The following SEMA5A variants were observed in gnomAD, a reference collection of about 807,000 sequenced individuals.
SEMA5A encodes the protein semaphorin-5A.
Under a neutral mutation model 135.5 loss-of-function variants are expected in SEMA5A, and 55 were observed. The observed-to-expected ratio is 0.41, with a 90% CI of 0.33 to 0.51. The LOEUF is 0.51. Ranked by LOEUF, SEMA5A falls within the 20% of genes least tolerant of loss-of-function variation. The pLI, the probability that SEMA5A is intolerant of heterozygous loss-of-function variation, is 0.37. For synonymous variants in SEMA5A, 580 were observed against 546.5 expected (o/e 1.06, Z -0.85); for missense variants, 1,290 against 1,419.9 (o/e 0.91, Z 1.47).
Position 9,154,525 on chromosome 5 carries a change from T to A in SEMA5A, c.1444A>T (p.Ile482Phe), listed in dbSNP as rs1408373181. 1.9e-6 allele frequency: 3 copies of A among 1,612,316 alleles called. No homozygotes were observed. Residue 482 changes from isoleucine (I) to phenylalanine (F), a missense_variant, in exon 12 of 23, where the codon ATC becomes TTC. By Grantham distance (21) the Ile-to-Phe change is conservative. Coordinates refer to ENST00000382496, the MANE Select transcript of SEMA5A (RefSeq NM_003966.3). ...TAGAACTGGCACCTCTTCAGGGGGA[T>A]CTTGACCACGTGCTCCCGCAGGCCC... ...FVGLREHVVKIPLKRCQFYRT... is the reference protein window; with the variant it reads ...FVGLREHVVKFPLKRCQFYRT...
intron 5 of SEMA5A, among the ~76,000 whole-genome samples, chr5:9,280,263 A>G (rs954725213): frequency 6.6e-6 from 1 of 152,254 alleles, no homozygotes; most frequent in Admixed American, 6.5e-5. Context: ...CCATTTGTTA[A>G]TAAATGGACC....
At chr5:9,066,272 A>T in intron 17 of SEMA5A, 149 bp downstream of exon 17, 3 of 709,934 alleles carry the variant, frequency 4.2e-6, no homozygotes, top group Non-Finnish European at 7.3e-6. Context: ...TCCTACAGTC[A>T]GTTGTGCTCT....
At chr5:9,225,080 A>C (rs1454964401) in intron 7 of SEMA5A, among the ~76,000 whole-genome samples, 193 bp from the exon 8 acceptor site, 9 of 151,824 alleles carry the variant, frequency 5.9e-5, no homozygotes, top group Non-Finnish European at 1.2e-4. Flanking sequence ...CAGTCCATCA[A>C]TCAGTTTCTT....
intron 1 of SEMA5A, among the ~76,000 whole-genome samples, chr5:9,496,327 G>A (rs979707516): frequency 1.3e-5 from 2 of 152,196 alleles, no homozygotes; most frequent in Non-Finnish European, 2.9e-5. Flanking sequence ...TTATAGGCAA[G>A]AGCCACCATG....
intron 5 of SEMA5A, among the ~76,000 whole-genome samples, chr5:9,258,964 A>G (rs1378363275): frequency 6.6e-6 from 1 of 151,604 alleles, no homozygotes; most frequent in Non-Finnish European, 1.5e-5. Context: ...CTGCAACCAC[A>G]GGGGCCTGCC....
At chr5:9,111,370 A>G (rs1221061723) in intron 15 of SEMA5A, among the ~76,000 whole-genome samples, 1 of 152,228 alleles carries the variant, frequency 6.6e-6, no homozygotes, top group Non-Finnish European at 1.5e-5. Context: ...AATAAAAAGC[A>G]CAGCAACTGA....
intron 3 of SEMA5A, among the ~76,000 whole-genome samples, chr5:9,353,098 G>GAAAGGGAAAGGAAAGGAAAGGA (rs1378151075): frequency 0.041 from 902 of 21,778 alleles, 321 homozygotes; most frequent in Non-Finnish European, 0.046. Context: ...GGAAAGGAAG[G>GAAAGGGAAAGGAAAGGAAAGGA]AAGGAAAGGA....
chr5:9,205,339 T>TGGGA (rs60730888), intron 8 of SEMA5A, among the ~76,000 whole-genome samples: 9,095 of 125,210 alleles, frequency 0.073, 349 homozygotes, highest in Non-Finnish European at 0.1. Flanking sequence ...GAAGAAAAAG[T>TGGGA]GGAAGAAGAA....
Position 9,123,258 on chromosome 5 carries a change from C to CAAAAAA in SEMA5A, c.1600-427_1600-422dup, listed in dbSNP as rs57533658. Among the ~76,000 whole-genome samples the CAAAAAA allele has an allele frequency of 4.6e-4, 18 of 38,944 alleles. 1 individual carries two copies. Among genetic ancestry groups the CAAAAAA allele is most frequent in the Non-Finnish European group, 8.9e-4 (14 of 15,802 alleles). The allele number at this position is 38,944 out of a possible 152,430, so 25.5% of individuals were successfully genotyped here. On this transcript the variant is annotated intron_variant, in intron 13 of 22. Transcript: ENST00000382496. ...TGAGGGAAGGAGCGAGACTCCGCCT[C>CAAAAAA]AAAAAAAAAAAAAAAAAAAAAAAAA...
intron 5 of SEMA5A, among the ~76,000 whole-genome samples, chr5:9,281,131 C>T (rs1750520667): frequency 6.6e-6 from 1 of 152,040 alleles, no homozygotes; most frequent in African/African-American, 2.4e-5. Flanking sequence ...ATTTAATGAT[C>T]CTGGTAGGAT....
intron 6 of SEMA5A, among the ~76,000 whole-genome samples, chr5:9,228,525 T>C (rs147908120): frequency 0.011 from 1,604 of 152,326 alleles, 20 homozygotes; most frequent in South Asian, 0.034. Flanking sequence ...AAGGAGCCAT[T>C]ACATGTTTTG....
chr5:9,488,562 C>T (rs1471076689), intron 1 of SEMA5A, among the ~76,000 whole-genome samples: 2 of 152,170 alleles, frequency 1.3e-5, no homozygotes, highest in Non-Finnish European at 2.9e-5. Flanking sequence ...AATCTCAACT[C>T]TGTATCTATT....
At chr5:9,356,841 G>C (rs1375096371) in intron 3 of SEMA5A, among the ~76,000 whole-genome samples, 1 of 152,168 alleles carries the variant, frequency 6.6e-6, no homozygotes, top group African/African-American at 2.4e-5. Flanking sequence ...CTAAGTAAGA[G>C]CTCCTTTCTT....
At chr5:9,285,586 T>C (rs186007705) in intron 5 of SEMA5A, among the ~76,000 whole-genome samples, 1 of 152,336 alleles carries the variant, frequency 6.6e-6, no homozygotes, top group East Asian at 1.9e-4. Context: ...TTGGTTCTTC[T>C]CCAAGCCAGA....
chr5:9,373,634 C>A (rs1411560907), intron 3 of SEMA5A, among the ~76,000 whole-genome samples: 1 of 152,140 alleles, frequency 6.6e-6, no homozygotes, highest in Non-Finnish European at 1.5e-5. Flanking sequence ...AGATAAAGAT[C>A]GCTGGGACCT....
At chr5:9,454,176 A>G (rs999199530) in intron 1 of SEMA5A, among the ~76,000 whole-genome samples, 1 of 152,204 alleles carries the variant, frequency 6.6e-6, no homozygotes, top group Admixed American at 6.5e-5. Flanking sequence ...CAGGGACGAC[A>G]GGCTGGTGGC....
chr5:9,043,440 C>G (rs974697011), intron 22 of SEMA5A, among the ~76,000 whole-genome samples: 16 of 152,286 alleles, frequency 1.1e-4, no homozygotes, highest in African/African-American at 3.8e-4. Flanking sequence ...GGACATTTAT[C>G]GGAGACCTTG....
At chr5:9,318,316 A>G in intron 5 of SEMA5A, 56 bp downstream of exon 5, 1 of 1,527,218 alleles carries the variant, frequency 6.5e-7, no homozygotes, top group Non-Finnish European at 9.0e-7. Context: ...ATCCCCTCAA[A>G]CAGTGAGTTA....
chr5:9,299,255 G>C (rs1643839441), intron 5 of SEMA5A, among the ~76,000 whole-genome samples: 1 of 152,196 alleles, frequency 6.6e-6, no homozygotes, highest in South Asian at 2.1e-4. Flanking sequence ...GCGGGTAAGA[G>C]AGTAGGTGAA....
Sources: gnomAD v4.1 joint callset for allele counts (sites outside exome capture counted in the v4.1 genomes callset) on GRCh38, gnomAD v4.1.1 for gene constraint, MANE v1.5 for transcripts, NCBI Gene and HGNC (gene_info 2026-07-23, HGNC 2026-07-21) for gene names.